The following KSR2 variants were observed in gnomAD, a reference collection of about 807,000 sequenced individuals.
KSR2 encodes the protein kinase suppressor of ras 2.
KSR2 carries 25 observed loss-of-function variants against 107.8 expected under a neutral mutation model. That is an observed-to-expected ratio of 0.23 (90% CI 0.17 to 0.32). The LOEUF (loss-of-function observed/expected upper bound fraction) is 0.32. KSR2 is among the 10% of genes least tolerant of loss of function. The probability of loss-of-function intolerance (pLI) is 1.00; values close to 1 mark genes in which losing one functional copy is unlikely to be tolerated. For synonymous variants in KSR2, 480 were observed against 507.0 expected, an observed-to-expected ratio of 0.95 and a Z score of 0.71; for missense variants, 887 against 1,268.9, an observed-to-expected ratio of 0.70 and a Z score of 4.57.
chr12:117,913,184 G>A (rs774750219), intron 1 of KSR2, among the ~76,000 whole-genome samples: 34 of 152,114 alleles, frequency 2.2e-4, no homozygotes, highest in Non-Finnish European at 2.1e-4. Context: ...AATCTCCTGG[G>A]ATTTGCACAA....
chr12:117,793,486 TCAA>T (rs1189401047), intron 3 of KSR2, among the ~76,000 whole-genome samples: 1 of 106,228 alleles, frequency 9.4e-6, no homozygotes, highest in Non-Finnish European at 1.9e-5. Context: ...CACACTCACA[TCAA>T]CATGCACACA....
chr12:117,511,602 C>A lies in KSR2; in HGVS notation c.2219+13250G>T, dbSNP rs372639117. On this transcript the variant is annotated intron_variant, in intron 14 of 19. Transcript: ENST00000339824. Reference sequence around the variant, plus strand: ...CTTTCTCATCTGTAAAACAGGATAACGATTTTAAAAAGCAGTATCTACAAA... The same window carrying A: ...CTTTCTCATCTGTAAAACAGGATAAAGATTTTAAAAAGCAGTATCTACAAA... Among the ~76,000 whole-genome samples the A allele has an allele frequency of 4.5e-4, 68 of 152,298 alleles. No homozygotes were observed. In the South Asian group the frequency reaches 0.013, roughly 29 times the overall value.
chr12:117,704,874 TA>T (rs1886460553), intron 4 of KSR2, among the ~76,000 whole-genome samples: 1 of 147,190 alleles, frequency 6.8e-6, no homozygotes, highest in African/African-American at 2.5e-5. Context: ...AAAAAAAAAG[TA>T]CACAATGAAG....
chr12:117,943,913 T>C (rs1022573221), intron 1 of KSR2, among the ~76,000 whole-genome samples: 2 of 152,178 alleles, frequency 1.3e-5, no homozygotes, highest in Non-Finnish European at 2.9e-5. Context: ...TTTCACTTGG[T>C]TCTCATTCAC....
chr12:117,761,120 G>A lies in KSR2; in HGVS notation c.877C>T (p.Pro293Ser). Residue 293 changes from proline to serine, a missense_variant, in exon 4 of 20, where the codon CCC becomes TCC. Around this residue, in one of 8 missense-constraint regions of KSR2, gnomAD observed 399 missense variants for 479.5 expected, o/e 0.83. Coordinates refer to ENST00000339824, the MANE Select transcript of KSR2 (RefSeq NM_173598.6). ...AAGTGTATCAGTTTTCGGGAGGAGG[G>A]CGGTGGGGTCCCCGGGGGCTTCAGC... Reference protein sequence around the residue: ...NKLKPPGTPPPSSRKLIHLIP... With the variant: ...NKLKPPGTPPSSSRKLIHLIP... 2 of 1,613,412 alleles carry A rather than the reference G, an allele frequency of 1.2e-6. No individual in the cohort carries two copies. Among genetic ancestry groups the A allele is most frequent in the South Asian group, 1.1e-5 (1 of 91,044 alleles).
chr12:117,927,514 A>C (rs1895564106), intron 1 of KSR2, among the ~76,000 whole-genome samples: 1 of 152,032 alleles, frequency 6.6e-6, no homozygotes, highest in South Asian at 2.1e-4. Flanking sequence ...CAACATGGTG[A>C]AACCCTGTCT....
intron 4 of KSR2, among the ~76,000 whole-genome samples, chr12:117,672,165 G>A (rs755324350): frequency 3.9e-5 from 6 of 152,170 alleles, no homozygotes; most frequent in Non-Finnish European, 8.8e-5. Flanking sequence ...GGGGAGGGGT[G>A]CCATTTCATC....
chr12:117,599,062 T>C (rs1017712551), intron 5 of KSR2, among the ~76,000 whole-genome samples: 1 of 152,196 alleles, frequency 6.6e-6, no homozygotes, highest in Non-Finnish European at 1.5e-5. Flanking sequence ...ACCAGTGTTT[T>C]AATTTACCTA....
intron 3 of KSR2, among the ~76,000 whole-genome samples, chr12:117,796,550 G>A (rs554760723): frequency 3.9e-5 from 6 of 152,150 alleles, no homozygotes; most frequent in African/African-American, 1.2e-4. Context: ...CGTGTTGGGC[G>A]AAGACTGCGG....
chr12:117,518,608 C>T (rs1445333803), intron 14 of KSR2, among the ~76,000 whole-genome samples: 1 of 152,204 alleles, frequency 6.6e-6, no homozygotes, highest in East Asian at 1.9e-4. Flanking sequence ...CAGGAAACCC[C>T]CAGAGTAGCG....
rs573429621 is a variant in KSR2 at position 117,536,812 on chromosome 12, TC to T, written c.1687+2906del. ...TGGGCATTTGGGTTAATTTCAGTTT[TC>T]ACTGTTACAGTGAAGTCCTTACACA... On this transcript the variant is annotated intron_variant, in intron 10 of 19. Coordinates refer to ENST00000339824, the MANE Select transcript of KSR2 (RefSeq NM_173598.6). 8.5e-5 allele frequency among the ~76,000 whole-genome samples: 13 copies of T among 152,382 alleles called. No homozygotes were observed. The South Asian group carries it at 2.5e-3, about 29-fold the overall frequency.
chr12:117,701,208 T>C (rs2136617343), intron 4 of KSR2, among the ~76,000 whole-genome samples: 1 of 152,308 alleles, frequency 6.6e-6, no homozygotes, highest in African/African-American at 2.4e-5. Flanking sequence ...TTCTCCTGCC[T>C]CAGCTTCTCA....
At chr12:117,944,269 G>A (rs1051190289) in intron 1 of KSR2, among the ~76,000 whole-genome samples, 3 of 152,064 alleles carry the variant, frequency 2.0e-5, no homozygotes, top group Admixed American at 6.6e-5. Context: ...CCAGCTACTC[G>A]GGAGGCTGAG....
chr12:117,565,870 C>G (rs185434121), intron 7 of KSR2, among the ~76,000 whole-genome samples: 1 of 152,284 alleles, frequency 6.6e-6, no homozygotes, highest in East Asian at 1.9e-4. Flanking sequence ...GCTTTAAAAC[C>G]TCAATTCAAG....
At chr12:117,487,807 C>T (rs1872545837) in intron 14 of KSR2, among the ~76,000 whole-genome samples, 1 of 152,198 alleles carries the variant, frequency 6.6e-6, no homozygotes, top group African/African-American at 2.4e-5. Flanking sequence ...TTCCCTTCAG[C>T]AGCTGCTGAA....
chr12:117,790,272 G>A (rs1890209779), intron 3 of KSR2, among the ~76,000 whole-genome samples: 1 of 152,168 alleles, frequency 6.6e-6, no homozygotes, highest in South Asian at 2.1e-4. Flanking sequence ...TGTATTTCAG[G>A]GAGGCAGGAG....
chr12:117,616,550 G>A (rs1166566611), intron 5 of KSR2, among the ~76,000 whole-genome samples: 1 of 152,090 alleles, frequency 6.6e-6, no homozygotes, highest in African/African-American at 2.4e-5. Context: ...TCTCTCCTTG[G>A]GGTCAGCCCA....
intron 3 of KSR2, among the ~76,000 whole-genome samples, chr12:117,821,982 C>A (rs1233024879): frequency 6.6e-6 from 1 of 152,152 alleles, no homozygotes; most frequent in African/African-American, 2.4e-5. Context: ...TCATAAAGAT[C>A]TTCCTGATAA....
At chr12:117,492,869 G>A (rs1257846068) in intron 14 of KSR2, among the ~76,000 whole-genome samples, 2 of 152,110 alleles carry the variant, frequency 1.3e-5, no homozygotes, top group East Asian at 1.9e-4. Context: ...AAGGGGGCAC[G>A]AGCCAAGGAA....
Sources: allele counts gnomAD v4.1 joint callset (sites outside exome capture counted in the v4.1 genomes callset), GRCh38; gene constraint gnomAD v4.1.1; regional missense constraint gnomAD v4.1.1; transcripts MANE v1.5; gene names NCBI Gene and HGNC (gene_info 2026-07-23, HGNC 2026-07-21).